The following CLVS1 variants were observed in gnomAD, a reference collection of about 807,000 sequenced individuals.
CLVS1 encodes clavesin-1.
CLVS1 carries 10 observed loss-of-function variants against 33.1 expected under a neutral mutation model. That is an observed-to-expected ratio of 0.30 (90% confidence interval 0.19 to 0.51). CLVS1 has a LOEUF of 0.51. Ranked by LOEUF, CLVS1 falls within the 20% of genes least tolerant of loss-of-function variation. CLVS1 has a pLI of 0.97. For missense variants in CLVS1, 343 were observed against 433.4 expected (o/e 0.79, Z 1.85); for synonymous variants, 163 against 166.1 (o/e 0.98, Z 0.14).
intron 2 of CLVS1, among the ~76,000 whole-genome samples, chr8:61,142,580 G>A (rs1378395905): frequency 6.6e-6 from 1 of 152,216 alleles, no homozygotes; most frequent in African/African-American, 2.4e-5. Context: ...AGCATATCAA[G>A]TTGAGGCTAC....
chr8:61,088,136 A>G (rs1805158914), intron 1 of CLVS1, among the ~76,000 whole-genome samples: 1 of 152,214 alleles, frequency 6.6e-6, no homozygotes, highest in Non-Finnish European at 1.5e-5. Context: ...ATATTGAAGC[A>G]TGCAGATATA....
At chr8:61,089,516 G>A (rs1312681711) in intron 1 of CLVS1, among the ~76,000 whole-genome samples, 1 of 152,216 alleles carries the variant, frequency 6.6e-6, no homozygotes, top group Non-Finnish European at 1.5e-5. Context: ...TGGATGGGAA[G>A]TGAAATGATG....
chr8:61,355,490 T>C (rs187554828), intron 2 of CLVS1, among the ~76,000 whole-genome samples: 262 of 152,200 alleles, frequency 1.7e-3, no homozygotes, highest in African/African-American at 5.9e-3. Context: ...TGTATACATG[T>C]GCCATGCTGG....
At chr8:61,000,981 T>C in the CLVS1 span, among the ~76,000 whole-genome samples, 1 of 152,152 alleles carries the variant, frequency 6.6e-6, no homozygotes, top group Non-Finnish European at 1.5e-5. Flanking sequence ...AAAACACCTT[T>C]CAATGGACTT....
intron 1 of CLVS1, among the ~76,000 whole-genome samples, chr8:61,298,164 T>G (rs1016736448): frequency 1.3e-5 from 2 of 151,968 alleles, no homozygotes; most frequent in African/African-American, 4.8e-5. Context: ...TGGGTAAGGC[T>G]GCTTTCTGAA....
upstream of CLVS1, among the ~76,000 whole-genome samples, chr8:61,053,345 G>T (rs527527196): frequency 6.6e-6 from 1 of 152,324 alleles, no homozygotes; most frequent in Admixed American, 6.5e-5. Flanking sequence ...GCATGAGGAG[G>T]TTGGAGTGAG....
chr8:61,088,244 T>A (rs1805161117), intron 1 of CLVS1, among the ~76,000 whole-genome samples: 1 of 152,198 alleles, frequency 6.6e-6, no homozygotes, highest in Admixed American at 6.5e-5. Flanking sequence ...ATCCCAGTAC[T>A]TTGGGAGACC....
At chr8:61,075,110 A>G (rs1420516283) in intron 1 of CLVS1, among the ~76,000 whole-genome samples, 1 of 152,146 alleles carries the variant, frequency 6.6e-6, no homozygotes, top group Non-Finnish European at 1.5e-5. Context: ...ACCCAGGCTG[A>G]AGGGAAGGAC....
At chr8:61,258,303 A>C (rs888656348) in intron 2 of CLVS1, among the ~76,000 whole-genome samples, 67 of 152,242 alleles carry the variant, frequency 4.4e-4, no homozygotes, top group African/African-American at 1.3e-3. Flanking sequence ...TTCAGCAAGA[A>C]AGCAACCTGT....
the CLVS1 span, among the ~76,000 whole-genome samples, chr8:61,039,274 T>G: frequency 1.3e-5 from 2 of 152,360 alleles, no homozygotes; most frequent in Middle Eastern, 6.8e-3. Context: ...ATCTATAATA[T>G]TCTCTTTAAT....
chr8:61,226,388 C>T (rs1464881102), intron 2 of CLVS1, among the ~76,000 whole-genome samples: 2 of 152,306 alleles, frequency 1.3e-5, no homozygotes, highest in African/African-American at 2.4e-5. Context: ...AAATTGACTG[C>T]GTTCTTGCTT....
intron 2 of CLVS1, among the ~76,000 whole-genome samples, chr8:61,346,213 A>G (rs1165480210): frequency 6.6e-6 from 1 of 152,064 alleles, no homozygotes; most frequent in Non-Finnish European, 1.5e-5. Context: ...CCTGCGACTC[A>G]CTCTAAACGA....
chr8:61,005,589 A>G, the CLVS1 span, among the ~76,000 whole-genome samples: 2 of 152,194 alleles, frequency 1.3e-5, no homozygotes, highest in Non-Finnish European at 2.9e-5. Flanking sequence ...AGGTTATTCA[A>G]CGCTTCTCCG....
intron 5 of CLVS1, among the ~76,000 whole-genome samples, chr8:61,476,850 G>A (rs1817955408): frequency 6.6e-6 from 1 of 152,200 alleles, no homozygotes; most frequent in Non-Finnish European, 1.5e-5. Context: ...TAGGAGTGGT[G>A]GGAGACGGCA....
intron 2 of CLVS1, among the ~76,000 whole-genome samples, chr8:61,256,151 A>C (rs1157691502): frequency 6.6e-6 from 1 of 152,092 alleles, no homozygotes; most frequent in Non-Finnish European, 1.5e-5. Flanking sequence ...AGTAACCACC[A>C]TTTTACTCTC....
At chr8:61,029,270 C>T in the CLVS1 span, among the ~76,000 whole-genome samples, 1 of 152,154 alleles carries the variant, frequency 6.6e-6, no homozygotes, top group Non-Finnish European at 1.5e-5. Flanking sequence ...TTCCGGCAGC[C>T]GTGAGGTTCC....
intron 1 of CLVS1, among the ~76,000 whole-genome samples, chr8:61,291,708 G>A (rs771540032): frequency 6.6e-6 from 1 of 151,654 alleles, no homozygotes; most frequent in Non-Finnish European, 1.5e-5. Context: ...AAATTTCCCT[G>A]CCTTCCTCTC....
intron 1 of CLVS1, among the ~76,000 whole-genome samples, chr8:61,130,276 T>TAA (rs1554538172): frequency 3.4e-4 from 51 of 149,946 alleles, no homozygotes; most frequent in African/African-American, 1.1e-3. Context: ...AATAAATAAA[T>TAA]ATAAAAATAA....
rs149613063 is a variant in CLVS1 at position 61,335,803 on chromosome 8, G to A, written c.455+35521G>A. ...TTTTTTTTCTTGCACTGCAAACAGAGTATAAAAGCTAGGGGAGCAGATATC... is the reference window on the plus strand; with the variant it reads ...TTTTTTTTCTTGCACTGCAAACAGAATATAAAAGCTAGGGGAGCAGATATC... On this transcript the variant is annotated intron_variant, in intron 2 of 5. Coordinates refer to ENST00000325897, the MANE Select transcript of CLVS1 (RefSeq NM_173519.3). 1.8e-3 allele frequency among the ~76,000 whole-genome samples: 277 copies of A among 152,298 alleles called. 2 individuals carry two copies. Among genetic ancestry groups the A allele is most frequent in the Non-Finnish European group, 1.1e-3 (78 of 68,012 alleles).
Sources: gnomAD v4.1 joint callset for allele counts (sites outside exome capture counted in the v4.1 genomes callset) on GRCh38, gnomAD v4.1.1 for gene constraint, MANE v1.5 for transcripts, NCBI Gene and HGNC (gene_info 2026-07-23, HGNC 2026-07-21) for gene names.